The following HECW1 variants were observed in gnomAD, a reference collection of about 807,000 sequenced individuals.
HECW1 encodes E3 ubiquitin-protein ligase HECW1.
HECW1 carries 61 observed loss-of-function variants against 182.3 expected under a neutral mutation model. The observed-to-expected ratio is 0.33, with a 90% CI of 0.27 to 0.41. HECW1 has a LOEUF of 0.41. Among genes scored for constraint, HECW1 ranks in the 10% least tolerant of loss-of-function variants. The probability of loss-of-function intolerance (pLI) is 1.00; values close to 1 mark genes in which losing one functional copy is unlikely to be tolerated. For synonymous variants in HECW1, 859 were observed against 832.6 expected, an observed-to-expected ratio of 1.03 and a Z score of -0.55; for missense variants, 1,739 against 2,108.9, an observed-to-expected ratio of 0.82 and a Z score of 3.44.
intron 6 of HECW1, chr7:43,377,953 C>G: frequency 5.4e-6 from 1 of 183,938 alleles, no homozygotes; most frequent in Non-Finnish European, 1.2e-5. Context: ...GGTTAGTAGA[C>G]CCTTAGCATT....
At chr7:43,382,313 C>T in intron 6 of HECW1, among the ~76,000 whole-genome samples, 1 of 151,862 alleles carries the variant, frequency 6.6e-6, no homozygotes, top group Non-Finnish European at 1.5e-5. Context: ...AAAATAGAAG[C>T]CCCTTCAGAG....
intron 5 of HECW1, among the ~76,000 whole-genome samples, chr7:43,331,160 C>T (rs920635094): frequency 6.6e-6 from 1 of 151,736 alleles, no homozygotes; most frequent in African/African-American, 2.4e-5. Context: ...GACAGGCCCC[C>T]GTGTGTGATG....
chr7:43,534,260 T>C (rs2081094666), intron 24 of HECW1, among the ~76,000 whole-genome samples: 1 of 152,210 alleles, frequency 6.6e-6, no homozygotes, highest in Admixed American at 6.5e-5. Flanking sequence ...CCATAAATCG[T>C]GGCCTGTAAA....
chr7:43,286,649 G>T (rs1026012807), intron 3 of HECW1, among the ~76,000 whole-genome samples: 2 of 151,950 alleles, frequency 1.3e-5, no homozygotes, highest in African/African-American at 4.8e-5. Flanking sequence ...TGATTTTTGT[G>T]CCCGGTAAAA....
At chr7:43,281,254 C>T (rs1376114742) in intron 3 of HECW1, among the ~76,000 whole-genome samples, 1 of 152,146 alleles carries the variant, frequency 6.6e-6, no homozygotes, top group Non-Finnish European at 1.5e-5. Flanking sequence ...GTCTCAGGCT[C>T]AGCTCCAAAA....
intron 6 of HECW1, among the ~76,000 whole-genome samples, chr7:43,366,850 A>T (rs1584647543): frequency 6.6e-6 from 1 of 152,154 alleles, no homozygotes; most frequent in Admixed American, 6.5e-5. Context: ...TTTAATTGGG[A>T]TGGACTGCAT....
chr7:43,484,225 C>T (rs2078544294), intron 17 of HECW1: 1 of 152,238 alleles, frequency 6.6e-6, no homozygotes, highest in African/African-American at 2.4e-5. Flanking sequence ...GGGCTTGATT[C>T]CACGTCTTCA....
chr7:43,159,833 C>A (rs1325073370), intron 2 of HECW1, among the ~76,000 whole-genome samples: 6 of 151,974 alleles, frequency 3.9e-5, no homozygotes, highest in African/African-American at 1.5e-4. Context: ...GTGCCCACCA[C>A]CACGCCCGGC....
At chr7:43,409,672 A>G (rs1054339228) in intron 8 of HECW1, among the ~76,000 whole-genome samples, 5 of 152,120 alleles carry the variant, frequency 3.3e-5, no homozygotes, top group Non-Finnish European at 7.4e-5. Context: ...GGAGTTATTG[A>G]TCTAAAATAT....
At chr7:43,555,805 A>C (rs548241306) in intron 29 of HECW1, among the ~76,000 whole-genome samples, 1 of 152,356 alleles carries the variant, frequency 6.6e-6, no homozygotes, top group Admixed American at 6.5e-5. Flanking sequence ...CCTCAGTTCC[A>C]AGGGTCTTTG....
At chr7:43,244,901 G>C (rs116542763) in intron 3 of HECW1, among the ~76,000 whole-genome samples, 211 of 152,370 alleles carry the variant, frequency 1.4e-3, no homozygotes, top group African/African-American at 4.8e-3. Flanking sequence ...GGGACGCCCT[G>C]AGATGTTCAG....
intron 2 of HECW1, among the ~76,000 whole-genome samples, chr7:43,128,338 G>A (rs1327498945): frequency 6.6e-6 from 1 of 152,186 alleles, no homozygotes; most frequent in Admixed American, 6.5e-5. Context: ...CTAAGTTGAA[G>A]CCAATGCCCA....
At chr7:43,374,995 G>T (rs1481254079) in intron 6 of HECW1, among the ~76,000 whole-genome samples, 1 of 152,012 alleles carries the variant, frequency 6.6e-6, no homozygotes, top group Non-Finnish European at 1.5e-5. Flanking sequence ...TACACAGCAA[G>T]CTTCTGCAAC....
At chr7:43,313,959 T>C (rs545222829) in intron 4 of HECW1, among the ~76,000 whole-genome samples, 23 of 152,014 alleles carry the variant, frequency 1.5e-4, no homozygotes, top group Non-Finnish European at 2.9e-4. Context: ...TTTGGTTTGG[T>C]TTTGGTTTTG....
In HECW1 at chr7:43,456,428, A is replaced by C. The variant is rs950306451; in HGVS notation, c.2632A>C (p.Met878Leu). The change falls in exon 13 of 30, where the codon ATG becomes CTG. Residue 878 changes from methionine (M) to leucine (L), a missense_variant. By Grantham distance (15) the Met-to-Leu change is conservative. Coordinates refer to ENST00000395891, the MANE Select transcript of HECW1 (RefSeq NM_015052.5). ...GMRRSGSIQQ[M>L]EQLNRRYQNI... is the part of the protein sequence containing the mutation. ...GCGGAGATCGGGGTCCATCCAGCAG[A>C]TGGAGCAACTCAACAGGCGGTTGGT... 6.2e-7 allele frequency: 1 copy of C among 1,613,968 alleles called. No homozygotes were observed. Among genetic ancestry groups the C allele is most frequent in the Admixed American group, 1.7e-5 (1 of 60,002 alleles).
At chr7:43,436,381 G>A (rs2076713477) in intron 8 of HECW1, among the ~76,000 whole-genome samples, 1 of 152,068 alleles carries the variant, frequency 6.6e-6, no homozygotes, top group Non-Finnish European at 1.5e-5. Flanking sequence ...GTGTGTTCAT[G>A]TGAAGAGACC....
chr7:43,445,055 C>T lies in HECW1; in HGVS notation c.1883C>T (p.Ala628Val), dbSNP rs760610281. ...EEPEGATPGT[A>V]HPGHSGGHFP... is the part of the protein sequence containing the mutation. ...CCCGAGGGGGCTACTCCAGGCACGG[C>T]GCACCCTGGCCACTCCGGGGGCCAC... The change falls in exon 11 of 30, where the codon GCG (alanine) becomes GTG (valine). Residue 628 changes from alanine (A) to valine (V), a missense_variant. Coordinates refer to ENST00000395891, the MANE Select transcript of HECW1 (RefSeq NM_015052.5). 4 of 1,581,348 alleles carry T rather than the reference C, an allele frequency of 2.5e-6. No individual in the cohort carries two copies. The highest frequency in any genetic ancestry group is 1.7e-5 in the Admixed American group (1 of 58,232).
chr7:43,265,945 A>G (rs1358691370), intron 3 of HECW1, among the ~76,000 whole-genome samples: 1 of 151,758 alleles, frequency 6.6e-6, no homozygotes, highest in Non-Finnish European at 1.5e-5. Flanking sequence ...TGAAGAGGAA[A>G]CTTGAGGGGG....
At chr7:43,321,614 T>G (rs941588028) in intron 5 of HECW1, among the ~76,000 whole-genome samples, 2 of 152,214 alleles carry the variant, frequency 1.3e-5, no homozygotes, top group African/African-American at 4.8e-5. Flanking sequence ...TAGCAGATGT[T>G]CATTCAATGT....
Sources: allele counts gnomAD v4.1 joint callset (sites outside exome capture counted in the v4.1 genomes callset), GRCh38; gene constraint gnomAD v4.1.1; transcripts MANE v1.5; gene names NCBI Gene and HGNC (gene_info 2026-07-23, HGNC 2026-07-21).